Variants in SCP2 observed in about 807,000 individuals in gnomAD.
SCP2 encodes SCP-2/3-oxoacyl-CoA thiolase.
A neutral mutation model predicts 71.4 loss-of-function variants in SCP2; 48 were observed. That is an observed-to-expected ratio of 0.67 (90% CI 0.53 to 0.86). The LOEUF is 0.86. Among genes scored for constraint, SCP2 ranks in the 40% least tolerant of loss-of-function variants. The pLI is 0.00. For missense variants in SCP2, 560 were observed against 655.6 expected (o/e 0.85, Z 1.59); for synonymous variants, 220 against 218.1 (o/e 1.01, Z -0.08).
At chr1:52,951,518 C>G (rs1399862593) in intron 4 of SCP2, among the ~76,000 whole-genome samples, 1 of 136,300 alleles carries the variant, frequency 7.3e-6, no homozygotes, top group African/African-American at 2.8e-5. Flanking sequence ...GATCATACCA[C>G]TGCACTCTAG....
At chr1:53,045,128 C>G (rs536074257) in intron 14 of SCP2, among the ~76,000 whole-genome samples, 1 of 152,050 alleles carries the variant, frequency 6.6e-6, no homozygotes, top group African/African-American at 2.4e-5. Flanking sequence ...GAGTGTACCA[C>G]GTGATGAATG....
intron 10 of SCP2, among the ~76,000 whole-genome samples, chr1:52,981,128 C>T (rs1377570612): frequency 1.3e-5 from 2 of 152,202 alleles, no homozygotes; most frequent in Non-Finnish European, 1.5e-5. Context: ...GACAGGGTTT[C>T]ACCATGTTGG....
chr1:53,038,628 C>T (rs1434224325), intron 13 of SCP2, among the ~76,000 whole-genome samples: 2 of 152,112 alleles, frequency 1.3e-5, no homozygotes, highest in East Asian at 3.9e-4. Context: ...TGGCCTCCAA[C>T]TCTTGGGCTC....
At chr1:52,972,454 A>T (rs761092227) in intron 6 of SCP2, among the ~76,000 whole-genome samples, 2 of 152,202 alleles carry the variant, frequency 1.3e-5, no homozygotes, top group Non-Finnish European at 2.9e-5. Context: ...AGATACGAAC[A>T]TTATTGAACA....
At chr1:52,959,931 G>A (rs1358871826) in intron 5 of SCP2, among the ~76,000 whole-genome samples, 8 of 148,362 alleles carry the variant, frequency 5.4e-5, no homozygotes, top group Admixed American at 2.7e-4. Context: ...TCACTCTGCC[G>A]CCCAGGCTGG....
intron 1 of SCP2, among the ~76,000 whole-genome samples, chr1:52,933,767 A>G (rs1653390701): frequency 6.6e-6 from 1 of 152,208 alleles, no homozygotes; most frequent in African/African-American, 2.4e-5. Flanking sequence ...TCCTTGGGGT[A>G]GTCTCTGAGA....
chr1:52,974,617 TG>T, intron 6 of SCP2, 151 bp from the exon 7 acceptor site: 1 of 651,006 alleles, frequency 1.5e-6, no homozygotes, highest in Non-Finnish European at 2.8e-6. Context: ...AAAAATTTTT[TG>T]AGGGAACAGT....
At chr1:52,981,376 A>G (rs1658479785) in intron 10 of SCP2, among the ~76,000 whole-genome samples, 1 of 152,172 alleles carries the variant, frequency 6.6e-6, no homozygotes, top group Non-Finnish European at 1.5e-5. Flanking sequence ...TGTAAGTGTG[A>G]AGTACACATG....
chr1:53,003,434 G>T (rs1021844942), intron 11 of SCP2, among the ~76,000 whole-genome samples: 1 of 152,098 alleles, frequency 6.6e-6, no homozygotes, highest in African/African-American at 2.4e-5. Context: ...TGCTTAGGCT[G>T]GTCTCGAACT....
intron 11 of SCP2, among the ~76,000 whole-genome samples, chr1:53,007,324 A>G (rs1660700957): frequency 6.6e-6 from 1 of 152,246 alleles, no homozygotes; most frequent in Non-Finnish European, 1.5e-5. Context: ...CAGAATATAT[A>G]TTCTTCTCAG....
intron 8 of SCP2, 36 bp downstream of exon 8, chr1:52,976,805 G>GCAGTTACTTCCCTCAT: frequency 4.7e-6 from 5 of 1,054,996 alleles, no homozygotes; most frequent in Non-Finnish European, 7.5e-6. Flanking sequence ...AATGAGGGAA[G>GCAGTTACTTCCCTCAT]TAACTGCTGC....
chr1:52,962,906 GAT>G (rs145785277), intron 6 of SCP2, among the ~76,000 whole-genome samples: 10 of 149,380 alleles, frequency 6.7e-5, no homozygotes, highest in Admixed American at 6.7e-5. Context: ...CATATAACAT[GAT>G]ATATATATAT....
chr1:52,935,744 T>A (rs1029220918), intron 1 of SCP2, among the ~76,000 whole-genome samples: 17 of 151,584 alleles, frequency 1.1e-4, no homozygotes, highest in Admixed American at 1.1e-3. Flanking sequence ...TTGAGACCCG[T>A]CTGGGCAACA....
chr1:52,994,807 C>T (rs963041350), intron 11 of SCP2: 9 of 535,882 alleles, frequency 1.7e-5, no homozygotes, highest in South Asian at 4.9e-5. Flanking sequence ...CAGTGATGAA[C>T]GTGAAATCGA....
intron 1 of SCP2, among the ~76,000 whole-genome samples, chr1:52,934,694 G>C (rs149497491): frequency 7.7e-6 from 1 of 130,166 alleles, no homozygotes; most frequent in Non-Finnish European, 1.6e-5. Context: ...CTCACTGCAA[G>C]CTCCACCTCC....
At chr1:52,993,374 G>A in intron 11 of SCP2, 7 of 1,614,114 alleles carry the variant, frequency 4.3e-6, no homozygotes, top group Non-Finnish European at 5.9e-6. Flanking sequence ...AAGTTGCCGT[G>A]CTAACTGCCG....
At chr1:53,000,251 C>T (rs61769104) in intron 11 of SCP2, among the ~76,000 whole-genome samples, 2 of 103,964 alleles carry the variant, frequency 1.9e-5, no homozygotes, top group Non-Finnish European at 3.4e-5. Context: ...CTAGTTTCTA[C>T]CAAAAAAAAA....
chr1:52,942,694 G>GTT (rs147939561), intron 2 of SCP2, among the ~76,000 whole-genome samples: 195 of 120,532 alleles, frequency 1.6e-3, no homozygotes, highest in Non-Finnish European at 2.5e-3. Context: ...AATTTAACAG[G>GTT]TTTTTTTTTT....
chr1:53,018,731 A>T (rs1661512389), intron 12 of SCP2, among the ~76,000 whole-genome samples: 1 of 149,632 alleles, frequency 6.7e-6, no homozygotes, highest in South Asian at 2.1e-4. Context: ...ACAGAGCAAG[A>T]CTCTGTTTCA....
Sources: allele counts gnomAD v4.1 joint callset (sites outside exome capture counted in the v4.1 genomes callset), GRCh38; gene constraint gnomAD v4.1.1; transcripts MANE v1.5; gene names NCBI Gene and HGNC (gene_info 2026-07-23, HGNC 2026-07-21).